THNSL2: variants seen among roughly 807,000 people sequenced by gnomAD.
The protein encoded by THNSL2 is threonine synthase-like 2.
Under a neutral mutation model 40.0 loss-of-function variants are expected in THNSL2, and 34 were observed. That is an observed-to-expected ratio of 0.85 (90% confidence interval 0.65 to 1.13). The LOEUF is 1.13. Ranked by LOEUF, THNSL2 falls within the 50% of genes most tolerant of loss-of-function variation. THNSL2 has a pLI of 0.00. For synonymous variants in THNSL2, 241 were observed against 247.5 expected (o/e 0.97, Z 0.25); for missense variants, 537 against 608.8 (o/e 0.88, Z 1.24).
chr2:88,178,871 G>C lies in THNSL2; in HGVS notation c.660G>C (p.Leu220=). Residue 220 remains leucine (L), a synonymous_variant, in exon 5 of 9, where the codon CTG becomes CTC. Coordinates refer to ENST00000674334, the MANE Select transcript of THNSL2 (RefSeq NM_018271.5). ...TCAAGAAGCACAATCTGATGAGCCTGAATTCGATCAACTGGTCCCGGGTCC... is the reference window on the plus strand; with the variant it reads ...TCAAGAAGCACAATCTGATGAGCCTCAATTCGATCAACTGGTCCCGGGTCC... ...AFVKKHNLMS[L]NSINWSRVLV... is the part of the protein sequence containing the mutation. 1 of 1,614,186 alleles carries C rather than the reference G, an allele frequency of 6.2e-7. No individual in the cohort carries two copies. The highest frequency in any genetic ancestry group is 8.5e-7 in the Non-Finnish European group (1 of 1,180,022).
intron 5 of THNSL2, 27 bp from the exon 6 acceptor site, chr2:88,182,672 A>G (rs368032438): frequency 3.2e-5 from 48 of 1,497,494 alleles, no homozygotes; most frequent in Non-Finnish European, 4.1e-5. Flanking sequence ...CTAAAAAGCC[A>G]TTGTTCTCCT....
chr2:88,178,374 G>A (rs556714339), intron 4 of THNSL2, among the ~76,000 whole-genome samples: 6 of 152,300 alleles, frequency 3.9e-5, no homozygotes, highest in South Asian at 2.1e-4. Context: ...GAAAGGCTAC[G>A]TCTCTCACCG....
intron 4 of THNSL2, chr2:88,176,152 G>A (rs1310038140): frequency 6.6e-6 from 1 of 152,192 alleles, no homozygotes; most frequent in African/African-American, 2.4e-5. Context: ...TTACAGTATG[G>A]GAACAACTAA....
chr2:88,177,803 A>T (rs1415277675), intron 4 of THNSL2, among the ~76,000 whole-genome samples: 1 of 152,090 alleles, frequency 6.6e-6, no homozygotes, highest in Non-Finnish European at 1.5e-5. Flanking sequence ...CACTGATCGG[A>T]ATTTATTCAC....
At chr2:88,174,434 A>G (rs1384718219) in intron 2 of THNSL2, among the ~76,000 whole-genome samples, 12 of 152,224 alleles carry the variant, frequency 7.9e-5, no homozygotes, top group Non-Finnish European at 1.5e-5. Flanking sequence ...GGAAATCACT[A>G]TAAGGAATCT....
At chr2:88,185,740 C>CA (rs1017866723) in intron 8 of THNSL2, 158 bp from the exon 9 acceptor site, 6 of 1,548,870 alleles carry the variant, frequency 3.9e-6, no homozygotes, top group Non-Finnish European at 5.2e-6. Context: ...GTCATTGTAG[C>CA]AATAAGTTCA....
chr2:88,174,698 T>C lies in THNSL2; in HGVS notation c.283T>C (p.Leu95=), dbSNP rs1236717034. The C allele has an allele frequency of 1.9e-6, 3 of 1,614,006 alleles. No homozygotes were observed. The highest frequency in any genetic ancestry group is 2.5e-6 in the Non-Finnish European group (3 of 1,180,024). ...RHREVVHLSR[L]RNGLNVLELW... is the part of the protein sequence containing the mutation. Reference sequence around the variant, plus strand: ...CAGAGAAGTGGTCCATCTGTCCAGGTTGAGGAATGGGCTGAACGTGTTGGA... The same window carrying C: ...CAGAGAAGTGGTCCATCTGTCCAGGCTGAGGAATGGGCTGAACGTGTTGGA... The change falls in exon 3 of 9, where the codon TTG becomes CTG. Residue 95 remains leucine, a synonymous_variant. Transcript: ENST00000674334.
intron 5 of THNSL2, among the ~76,000 whole-genome samples, chr2:88,180,340 TAAG>T (rs1677398139): frequency 6.6e-6 from 1 of 152,092 alleles, no homozygotes; most frequent in Non-Finnish European, 1.5e-5. Flanking sequence ...TCAGGTGAAA[TAAG>T]AAAGAGAAAG....
chr2:88,178,463 A>G (rs1050570196), intron 4 of THNSL2, among the ~76,000 whole-genome samples: 5 of 152,244 alleles, frequency 3.3e-5, no homozygotes, highest in Non-Finnish European at 7.3e-5. Flanking sequence ...AAATTCTCCC[A>G]GGATCCCAGA....
chr2:88,171,369 G>C, intron 1 of THNSL2: 1 of 455,902 alleles, frequency 2.2e-6, no homozygotes, highest in Admixed American at 2.4e-5. Flanking sequence ...CAGCCCCTCT[G>C]TCCTCTGTTC....
intron 7 of THNSL2, 57 bp from the exon 8 acceptor site, chr2:88,185,259 AGTGGGGTTTTGT>A: frequency 6.9e-7 from 1 of 1,457,426 alleles, no homozygotes; most frequent in Non-Finnish European, 9.1e-7. Flanking sequence ...TGTGGTGGAG[AGTGGGGTTTTGT>A]CATCTTTCCC....
chr2:88,170,611 T>G (rs982054135), intron 1 of THNSL2, among the ~76,000 whole-genome samples, 155 bp downstream of exon 1: 1 of 152,180 alleles, frequency 6.6e-6, no homozygotes, highest in Non-Finnish European at 1.5e-5. Context: ...CGCTCGGACT[T>G]GAGGAACTTG....
chr2:88,178,731 C>T (rs1277490564), intron 4 of THNSL2, 52 bp from the exon 5 acceptor site: 3 of 1,603,848 alleles, frequency 1.9e-6, no homozygotes, highest in Non-Finnish European at 2.6e-6. Flanking sequence ...TGCTGACCTC[C>T]TGGGGGTTCT....
chr2:88,185,480 G>A lies in THNSL2; in HGVS notation c.1229+1G>A, dbSNP rs780892454. On this transcript the variant is annotated splice_donor_variant, in intron 8 of 8. Coordinates refer to ENST00000674334, the MANE Select transcript of THNSL2 (RefSeq NM_018271.5). LOFTEE classifies it high-confidence loss of function. The stretch of plus-strand genomic sequence containing the variant: ...AGCAGATAGACAGGCAGCAGCCCAG[G>A]TACAGGCAATGGGGGCCTGGGCCAC... 6.2e-7 allele frequency: 1 copy of A among 1,604,490 alleles called. No homozygotes were observed. Among genetic ancestry groups the A allele is most frequent in the Non-Finnish European group, 8.5e-7 (1 of 1,175,318 alleles).
intron 5 of THNSL2, among the ~76,000 whole-genome samples, chr2:88,180,632 TA>T (rs1362862520): frequency 6.6e-6 from 1 of 151,956 alleles, no homozygotes. Context: ...TGGTTGTCCC[TA>T]ACTCCCCTTA....
chr2:88,184,041 C>T (rs1029257581), intron 7 of THNSL2, among the ~76,000 whole-genome samples: 2 of 152,180 alleles, frequency 1.3e-5, no homozygotes, highest in Non-Finnish European at 2.9e-5. Flanking sequence ...CTTTAGTGGT[C>T]CCTTGCATGA....
At chr2:88,182,047 A>G (rs936871057) in intron 5 of THNSL2, among the ~76,000 whole-genome samples, 2 of 152,236 alleles carry the variant, frequency 1.3e-5, no homozygotes, top group East Asian at 1.9e-4. Context: ...TAACACAGCT[A>G]TTATGAATAA....
intron 5 of THNSL2, among the ~76,000 whole-genome samples, chr2:88,181,102 C>CTCCT (rs1553463333): frequency 8.4e-4 from 1 of 1,188 alleles, no homozygotes. Context: ...TCTCCTCTCT[C>CTCCT]CTCTCTCTCC....
Position 88,182,844 on chromosome 2 carries a change from T to G in THNSL2, c.948T>G (p.Ile316Met), listed in dbSNP as rs2104264788. 2 of 1,614,090 alleles carry G rather than the reference T, an allele frequency of 1.2e-6. No homozygotes were observed. Among genetic ancestry groups the G allele is most frequent in the Non-Finnish European group, 1.7e-6 (2 of 1,179,982 alleles). ...VKSTLASAMDIQVPYNMERVF... is the reference protein window; with the variant it reads ...VKSTLASAMDMQVPYNMERVF... ...CAACCTTGGCATCAGCTATGGACAT[T>G]CAGGTAGGCCTGGGGGAGGTGTGCA... Residue 316 changes from isoleucine to methionine, a missense_variant, in exon 6 of 9, where the codon ATT becomes ATG. Physicochemically the swap from Ile to Met is conservative, Grantham distance 10 (BLOSUM62 1). Transcript: ENST00000674334.
Sources: gnomAD v4.1 joint callset for allele counts (sites outside exome capture counted in the v4.1 genomes callset) on GRCh38, gnomAD v4.1.1 for gene constraint, MANE v1.5 for transcripts, NCBI Gene and HGNC (gene_info 2026-07-23, HGNC 2026-07-21) for gene names.